Variants in SLC35F3 observed in about 807,000 individuals in gnomAD.
The protein encoded by SLC35F3 is putative thiamine transporter SLC35F3.
SLC35F3 carries 25 observed loss-of-function variants against 49.9 expected under a neutral mutation model. The ratio of observed to expected loss-of-function variants is 0.50; its 90% CI spans 0.37 to 0.70. The LOEUF is 0.70. SLC35F3 is among the 30% of genes least tolerant of loss of function. SLC35F3 has a pLI of 0.00. For synonymous variants in SLC35F3, 275 were observed against 265.4 expected (o/e 1.04, Z -0.35); for missense variants, 525 against 639.8 (o/e 0.82, Z 1.94).
chr1:234,000,854 T>G (rs1663540283), intron 2 of SLC35F3, among the ~76,000 whole-genome samples: 2 of 152,216 alleles, frequency 1.3e-5, no homozygotes, highest in South Asian at 4.1e-4. Flanking sequence ...AGCTGAGCTC[T>G]GCTTCCTCTG....
chr1:234,161,992 G>T (rs1479474301), intron 2 of SLC35F3, among the ~76,000 whole-genome samples: 1 of 152,030 alleles, frequency 6.6e-6, no homozygotes, highest in East Asian at 1.9e-4. Context: ...TCTAAGCACA[G>T]GTCCCTTGGG....
intron 3 of SLC35F3, among the ~76,000 whole-genome samples, chr1:234,246,230 C>T (rs1359197558): frequency 1.3e-5 from 2 of 152,152 alleles, no homozygotes; most frequent in Non-Finnish European, 2.9e-5. Flanking sequence ...ATGGAGAATT[C>T]TACCAGGGCA....
intron 4 of SLC35F3, among the ~76,000 whole-genome samples, chr1:234,313,792 G>A (rs1167252428): frequency 6.6e-6 from 1 of 152,136 alleles, no homozygotes; most frequent in Non-Finnish European, 1.5e-5. Flanking sequence ...TTTAGTGCAG[G>A]AAATGGGCAG....
intron 2 of SLC35F3, among the ~76,000 whole-genome samples, chr1:233,978,778 C>G (rs1663132679): frequency 1.4e-5 from 1 of 70,040 alleles, no homozygotes; most frequent in African/African-American, 3.1e-5. Flanking sequence ...GCCTGTAATC[C>G]CAGCACTTTG....
chr1:233,951,957 A>G (rs1662614520), intron 2 of SLC35F3, among the ~76,000 whole-genome samples: 1 of 152,130 alleles, frequency 6.6e-6, no homozygotes, highest in Non-Finnish European at 1.5e-5. Context: ...TTTCAATTAT[A>G]TATATGTTGG....
In SLC35F3 at chr1:234,278,920, G is replaced by A. The variant is rs189386469; in HGVS notation, c.609-30181G>A. 9.2e-5 allele frequency among the ~76,000 whole-genome samples: 14 copies of A among 152,202 alleles called. No individual in the cohort carries two copies. The East Asian group carries it at 1.5e-3, about 17-fold the overall frequency. On this transcript the variant is annotated intron_variant, in intron 3 of 7. Coordinates refer to ENST00000366618, the MANE Select transcript of SLC35F3 (RefSeq NM_173508.4). ...TAGGATTCAACATATGAATTTTGGC[G>A]GTGTGAACCCTGAATATCTGAGACA... is the stretch of plus-strand genomic sequence containing the variant.
At chr1:234,045,860 T>C (rs1664283294) in intron 2 of SLC35F3, among the ~76,000 whole-genome samples, 2 of 152,126 alleles carry the variant, frequency 1.3e-5, no homozygotes, top group Non-Finnish European at 2.9e-5. Context: ...TTAAATTATA[T>C]ATTGTTGTGT....
chr1:234,125,720 A>G (rs12145633), intron 2 of SLC35F3, among the ~76,000 whole-genome samples: 42,977 of 152,064 alleles, frequency 0.28, 6,403 homozygotes, highest in Non-Finnish European at 0.31. Flanking sequence ...GATCACGGTG[A>G]CACTTCAGAG....
chr1:233,979,520 G>C (rs1572006555), intron 2 of SLC35F3, among the ~76,000 whole-genome samples: 1 of 152,218 alleles, frequency 6.6e-6, no homozygotes, highest in East Asian at 1.9e-4. Flanking sequence ...ATCTTGCAGA[G>C]ACCTTACCCA....
At chr1:234,321,292 C>T (rs575602778) in intron 7 of SLC35F3, among the ~76,000 whole-genome samples, 20 of 152,326 alleles carry the variant, frequency 1.3e-4, no homozygotes, top group African/African-American at 4.1e-4. Context: ...CACCACAACC[C>T]ACCTGGAGAT....
chr1:234,017,509 C>A lies in SLC35F3; in HGVS notation c.283+111751C>A, dbSNP rs192440473. ...CGGGTGGATCACGAGGTCAGGAGAT[C>A]GAAACCATCCTGGCTAACACTGTGA... On this transcript the variant is annotated intron_variant, in intron 2 of 7. Transcript: ENST00000366618. 5.9e-5 allele frequency among the ~76,000 whole-genome samples: 9 copies of A among 151,672 alleles called. No individual in the cohort carries two copies. In the East Asian group the frequency reaches 1.8e-3, roughly 30 times the overall value.
At chr1:234,015,338 ACT>A (rs1663785400) in intron 2 of SLC35F3, among the ~76,000 whole-genome samples, 1 of 133,368 alleles carries the variant, frequency 7.5e-6, no homozygotes, top group South Asian at 2.4e-4. Flanking sequence ...ACAGAGCAAG[ACT>A]CTATATCAAA....
intron 2 of SLC35F3, among the ~76,000 whole-genome samples, chr1:234,069,496 C>T (rs758784113): frequency 3.0e-4 from 46 of 152,028 alleles, no homozygotes; most frequent in Non-Finnish European, 2.1e-4. Flanking sequence ...ATCTCATGAT[C>T]CACCCGCCTC....
At chr1:234,184,124 G>A (rs1405028430) in intron 2 of SLC35F3, among the ~76,000 whole-genome samples, 1 of 150,250 alleles carries the variant, frequency 6.7e-6, no homozygotes. Context: ...TACTAGCATG[G>A]AACACAGTTT....
At chr1:234,273,481 C>T (rs574087276) in intron 3 of SLC35F3, among the ~76,000 whole-genome samples, 76 of 152,304 alleles carry the variant, frequency 5.0e-4, no homozygotes, top group African/African-American at 1.7e-3. Context: ...TTGTGCTGAG[C>T]ATTTTTGAAG....
chr1:234,314,578 T>C (rs1657439801), intron 4 of SLC35F3, among the ~76,000 whole-genome samples: 1 of 152,144 alleles, frequency 6.6e-6, no homozygotes, highest in Non-Finnish European at 1.5e-5. Context: ...CTGGCCAACA[T>C]GGTGAAACCC....
Position 234,139,979 on chromosome 1 carries a change from T to TAAAATAAAATAAAATAAAATA in SLC35F3, c.284-91435_284-91415dup, listed in dbSNP as rs1553308917. Among the ~76,000 whole-genome samples the TAAAATAAAATAAAATAAAATA allele has an allele frequency of 5.9e-4, 79 of 133,600 alleles. 5 individuals are homozygous for TAAAATAAAATAAAATAAAATA. The highest frequency in any genetic ancestry group is 1.8e-3 in the African/African-American group (71 of 38,780). The allele number at this position is 133,600 out of a possible 152,430, so 87.6% of individuals were successfully genotyped here. ...TAAAATAAAATAAAATAAAATAAAA[T>TAAAATAAAATAAAATAAAATA]AAAATAAAATAAAATAAAATAAAGT... On this transcript the variant is annotated intron_variant, in intron 2 of 7. Transcript: ENST00000366618.
chr1:234,028,139 A>G (rs1308665551), intron 2 of SLC35F3, among the ~76,000 whole-genome samples: 1 of 152,150 alleles, frequency 6.6e-6, no homozygotes, highest in African/African-American at 2.4e-5. Context: ...GTTAGAAGGA[A>G]CATGGTAGGA....
intron 3 of SLC35F3, among the ~76,000 whole-genome samples, chr1:234,267,674 G>A (rs1237906284): frequency 6.7e-6 from 1 of 149,352 alleles, no homozygotes; most frequent in Non-Finnish European, 1.5e-5. Context: ...CGGCTGCCGG[G>A]CGGAGACGCT....
Sources: allele counts gnomAD v4.1 joint callset (sites outside exome capture counted in the v4.1 genomes callset), GRCh38; gene constraint gnomAD v4.1.1; transcripts MANE v1.5; gene names NCBI Gene and HGNC (gene_info 2026-07-23, HGNC 2026-07-21).